The following PIAS2 variants were observed in gnomAD, a reference collection of about 807,000 sequenced individuals.
The protein encoded by PIAS2 is protein inhibitor of activated STAT 2.
A neutral mutation model predicts 69.7 loss-of-function variants in PIAS2; 19 were observed. That is an observed-to-expected ratio of 0.27 (90% CI 0.19 to 0.40). The LOEUF is 0.40. PIAS2 is among the 10% of genes least tolerant of loss of function. The pLI is 1.00. For missense variants in PIAS2, 624 were observed against 757.0 expected (o/e 0.82, Z 2.06); for synonymous variants, 261 against 263.2 (o/e 0.99, Z 0.08).
intron 8 of PIAS2, among the ~76,000 whole-genome samples, chr18:46,842,687 T>TA (rs1205748761): frequency 6.6e-6 from 1 of 152,140 alleles, no homozygotes; most frequent in Non-Finnish European, 1.5e-5. Context: ...AAAAGTATAA[T>TA]AACCTGAAGA....
At chr18:46,842,306 T>C (rs2045536801) in intron 8 of PIAS2, among the ~76,000 whole-genome samples, 1 of 150,612 alleles carries the variant, frequency 6.6e-6, no homozygotes, top group South Asian at 2.1e-4. Context: ...TTAAAAAGCC[T>C]GAGAATCTGT....
chr18:46,839,777 A>G (rs1175314311), intron 8 of PIAS2, among the ~76,000 whole-genome samples: 1 of 151,596 alleles, frequency 6.6e-6, no homozygotes, highest in Non-Finnish European at 1.5e-5. Context: ...AGGCAGGAGA[A>G]TCACTTGAAC....
At position 46,836,585 on chromosome 18, in the gene PIAS2, G is replaced by A. The variant is rs2044465812; in HGVS notation, c.1042-68C>T. ...AATGAGCTCAGAGGGAACATGGTCA[G>A]TTGTAAAAGTCGGAAGATGTCATAC... is the stretch of plus-strand genomic sequence containing the variant. On this transcript the variant is annotated intron_variant, in intron 8 of 13. Coordinates refer to ENST00000585916, the MANE Select transcript of PIAS2 (RefSeq NM_004671.5). 5 of 1,167,492 alleles carry A rather than the reference G, an allele frequency of 4.3e-6. No individual in the cohort carries two copies. The South Asian group carries it at 8.8e-5, about 20-fold the overall frequency. The allele number at this position is 1,167,492 out of a possible 1,614,324, so 72.3% of individuals were successfully genotyped here. A position where few individuals can be genotyped will look rare whatever the true frequency, so the allele number is the denominator to read the frequency against.
chr18:46,907,776 A>T (rs2056800967), intron 1 of PIAS2: 2 of 152,124 alleles, frequency 1.3e-5, no homozygotes. Flanking sequence ...CTTTTCCTAT[A>T]CATGGGTTCT....
chr18:46,833,009 T>A (rs967419599), intron 9 of PIAS2, among the ~76,000 whole-genome samples: 3 of 152,144 alleles, frequency 2.0e-5, no homozygotes, highest in African/African-American at 7.2e-5. Flanking sequence ...TGGAAAACAG[T>A]TTGACAGTTT....
chr18:46,818,579 A>G, intron 12 of PIAS2: 1 of 753,670 alleles, frequency 1.3e-6, no homozygotes, highest in South Asian at 5.9e-5. Flanking sequence ...TATCAATACC[A>G]AAACTCTTCA....
At chr18:46,858,583 G>A (rs1248167216) in intron 3 of PIAS2, among the ~76,000 whole-genome samples, 1 of 152,178 alleles carries the variant, frequency 6.6e-6, no homozygotes, top group African/African-American at 2.4e-5. Context: ...TATAGTCCCA[G>A]CTAGTCAGAA....
At chr18:46,848,788 T>TGTGAGA (rs1031640019) in intron 5 of PIAS2, among the ~76,000 whole-genome samples, 4 of 146,198 alleles carry the variant, frequency 2.7e-5, no homozygotes, top group Non-Finnish European at 4.5e-5. Flanking sequence ...TGTGTGTGTG[T>TGTGAGA]GAGAGAGAGA....
intron 3 of PIAS2, among the ~76,000 whole-genome samples, chr18:46,857,016 A>T (rs2047939808): frequency 6.6e-6 from 1 of 152,200 alleles, no homozygotes; most frequent in African/African-American, 2.4e-5. Flanking sequence ...CAACCTCATC[A>T]AGTTGCTGTG....
rs2040962926 is a variant in PIAS2 at position 46,810,992 on chromosome 18, A to C, written c.*1441T>G. 6.6e-6 allele frequency: 1 copy of C among 152,210 alleles called. No homozygotes were observed. The highest frequency in any genetic ancestry group is 2.4e-5 in the African/African-American group (1 of 41,458). The allele number at this position is 152,210 out of a possible 1,614,324, so 9.4% of individuals were successfully genotyped here. A position where few individuals can be genotyped will look rare whatever the true frequency, so the allele number is the denominator to read the frequency against. On this transcript the variant is annotated 3_prime_UTR_variant, in exon 14 of 14. Coordinates refer to ENST00000585916, the MANE Select transcript of PIAS2 (RefSeq NM_004671.5). ...CAAAAATGATTTAGGAAGTCAAATG[A>C]AGCAAACTAAAAAACTGGATGAAAA...
chr18:46,904,777 T>TG (rs2056378830), intron 1 of PIAS2, among the ~76,000 whole-genome samples: 2 of 146,756 alleles, frequency 1.4e-5, no homozygotes, highest in South Asian at 4.2e-4. Context: ...AAAACAGAGA[T>TG]GGGGGTCTCA....
chr18:46,832,288 A>C (rs949683833), intron 9 of PIAS2, among the ~76,000 whole-genome samples: 8 of 151,866 alleles, frequency 5.3e-5, no homozygotes, highest in Admixed American at 2.6e-4. Flanking sequence ...GGTGGCGCAC[A>C]CCTGTAGTCC....
chr18:46,912,505 C>T (rs2057376621), intron 1 of PIAS2, among the ~76,000 whole-genome samples: 1 of 152,096 alleles, frequency 6.6e-6, no homozygotes, highest in Middle Eastern at 3.2e-3. Flanking sequence ...AAGTCATTCA[C>T]AGACATGAAG....
At chr18:46,855,291 G>T in intron 5 of PIAS2, 54 bp downstream of exon 5, 4 of 1,102,660 alleles carry the variant, frequency 3.6e-6, no homozygotes, top group Non-Finnish European at 4.1e-6. Context: ...TCTAGGCCTT[G>T]TCAGTGTTTA....
In PIAS2 at chr18:46,883,039, A is replaced by C. The variant is rs186572606; in HGVS notation, c.499+7541T>G. ...CTTGAACCCGGGAAGCAGAGGTTGCAGTGAGCCAAGATCACACCACTGCAC... is the reference window on the plus strand; with the variant it reads ...CTTGAACCCGGGAAGCAGAGGTTGCCGTGAGCCAAGATCACACCACTGCAC... On this transcript the variant is annotated intron_variant, in intron 2 of 13. Coordinates refer to ENST00000585916, the MANE Select transcript of PIAS2 (RefSeq NM_004671.5). Among the ~76,000 whole-genome samples, 153 of 151,800 alleles carry C rather than the reference A, an allele frequency of 1.0e-3. 1 individual carries two copies. The highest frequency in any genetic ancestry group is 3.6e-3 in the African/African-American group (149 of 41,414).
At chr18:46,891,220 C>A in intron 1 of PIAS2, 166 bp from the exon 2 acceptor site, 1 of 694,410 alleles carries the variant, frequency 1.4e-6, no homozygotes, top group Admixed American at 2.2e-5. Flanking sequence ...ATAAGACAAT[C>A]CCGTAAAAAT....
chr18:46,916,728 G>T (rs1156867359), intron 1 of PIAS2: 1 of 709,080 alleles, frequency 1.4e-6, no homozygotes, highest in East Asian at 1.3e-4. Flanking sequence ...AAAATATCGA[G>T]GTTTAAGGCC....
chr18:46,869,376 A>G (rs1006976037), intron 2 of PIAS2, among the ~76,000 whole-genome samples: 2 of 151,942 alleles, frequency 1.3e-5, no homozygotes, highest in Middle Eastern at 3.4e-3. Context: ...GGAGGGACTG[A>G]GCCTCAGCAA....
At chr18:46,820,629 G>A (rs966544964) in intron 12 of PIAS2, among the ~76,000 whole-genome samples, 1 of 152,000 alleles carries the variant, frequency 6.6e-6, no homozygotes, top group Non-Finnish European at 1.5e-5. Context: ...CCCTTCACCT[G>A]TGAGGTTCTA....
Sources: allele counts gnomAD v4.1 joint callset (sites outside exome capture counted in the v4.1 genomes callset), GRCh38; gene constraint gnomAD v4.1.1; transcripts MANE v1.5; gene names NCBI Gene and HGNC (gene_info 2026-07-23, HGNC 2026-07-21).